CFAP61: variants seen among roughly 807,000 people sequenced by gnomAD.
CFAP61 encodes the protein cilia and flagella associated protein 61.
In CFAP61, 107 loss-of-function variants were observed where a neutral mutation model predicts 135.6. The observed-to-expected ratio is 0.79, with a 90% CI of 0.67 to 0.93. The LOEUF is 0.93. Among genes scored for constraint, CFAP61 ranks in the 40% least tolerant of loss-of-function variants. CFAP61 has a pLI of 0.00. For missense variants in CFAP61, 1,507 were observed against 1,556.2 expected (o/e 0.97, Z 0.53); for synonymous variants, 575 against 578.5 (o/e 0.99, Z 0.09).
intron 25 of CFAP61, among the ~76,000 whole-genome samples, chr20:20,336,091 C>T (rs113317627): frequency 8.2e-4 from 125 of 152,196 alleles, no homozygotes; most frequent in African/African-American, 2.9e-3. Flanking sequence ...GGGTTTGTGT[C>T]CCCAGATGAA....
intron 1 of CFAP61, chr20:20,056,024 T>G: frequency 6.2e-7 from 1 of 1,600,130 alleles, no homozygotes; most frequent in Non-Finnish European, 8.5e-7. Flanking sequence ...TTAGAGATTC[T>G]CTTCCCAAAG....
intron 25 of CFAP61, among the ~76,000 whole-genome samples, chr20:20,327,794 A>C (rs2057814536): frequency 2.5e-5 from 2 of 80,662 alleles, no homozygotes; most frequent in South Asian, 9.0e-4. Flanking sequence ...AAAAAAAAAA[A>C]AAAAAAAAAA....
intron 8 of CFAP61, among the ~76,000 whole-genome samples, chr20:20,105,866 C>T (rs1340744449): frequency 4.7e-5 from 7 of 150,200 alleles, no homozygotes; most frequent in African/African-American, 1.7e-4. Context: ...GTCTCGATCT[C>T]CTGACCTTGT....
rs972740802 is a variant in CFAP61, at chr20:20,251,832, C to T, written c.2328+69C>T. On this transcript the variant is annotated intron_variant, in intron 20 of 26. Transcript: ENST00000245957. The stretch of plus-strand genomic sequence containing the variant: ...TCCATGAAAGCCATTCATATGTTTA[C>T]TGGGGCACACACACTCTGGGTAAAG... 9 of 1,463,006 alleles carry T rather than the reference C, an allele frequency of 6.2e-6. No individual in the cohort carries two copies. The African/African-American group carries it at 1.1e-4, about 18-fold the overall frequency. The allele number at this position is 1,463,006 out of a possible 1,614,324, so 90.6% of individuals were successfully genotyped here.
chr20:20,164,971 C>T (rs2053707281), intron 11 of CFAP61, among the ~76,000 whole-genome samples: 1 of 152,282 alleles, frequency 6.6e-6, no homozygotes, highest in South Asian at 2.1e-4. Flanking sequence ...TATTCAATAC[C>T]ACAAGAACAG....
At chr20:20,132,026 T>A (rs985253256) in intron 8 of CFAP61, among the ~76,000 whole-genome samples, 1 of 152,108 alleles carries the variant, frequency 6.6e-6, no homozygotes, top group Non-Finnish European at 1.5e-5. Flanking sequence ...TCTCTAGAAC[T>A]AACTTATCTT....
intron 20 of CFAP61, among the ~76,000 whole-genome samples, chr20:20,259,407 C>T (rs557761996): frequency 1.1e-4 from 16 of 151,010 alleles, no homozygotes; most frequent in East Asian, 1.9e-4. Flanking sequence ...AGGTACATGC[C>T]GCCAAACCCA....
chr20:20,355,425 C>CTG (rs141069147), intron 26 of CFAP61, among the ~76,000 whole-genome samples: 2 of 20,692 alleles, frequency 9.7e-5, no homozygotes, highest in Non-Finnish European at 2.2e-4. Flanking sequence ...GGTGGTCACA[C>CTG]TGAGGGGAGG....
At chr20:20,228,127 C>G (rs955867981) in intron 17 of CFAP61, 122 bp from the exon 18 acceptor site, 7 of 733,052 alleles carry the variant, frequency 9.5e-6, no homozygotes, top group Non-Finnish European at 1.5e-5. Flanking sequence ...TACATGGGCA[C>G]TATTAGGTTT....
At chr20:20,211,753 A>C (rs2047658334) in intron 17 of CFAP61, among the ~76,000 whole-genome samples, 1 of 152,174 alleles carries the variant, frequency 6.6e-6, no homozygotes, top group African/African-American at 2.4e-5. Context: ...CAGTGCATTG[A>C]AATTATCACC....
intron 2 of CFAP61, among the ~76,000 whole-genome samples, chr20:20,061,504 A>G (rs2044793881): frequency 2.0e-5 from 3 of 152,302 alleles, no homozygotes; most frequent in South Asian, 4.1e-4. Context: ...CTCACCCAAA[A>G]TAAGGGCTAG....
intron 8 of CFAP61, among the ~76,000 whole-genome samples, chr20:20,099,584 G>GT (rs956558512): frequency 6.6e-6 from 1 of 151,846 alleles, no homozygotes; most frequent in East Asian, 1.9e-4. Flanking sequence ...CACACGGGGG[G>GT]GGGGTTGTGA....
At chr20:20,172,835 T>G (rs2054324450) in intron 13 of CFAP61, among the ~76,000 whole-genome samples, 1 of 152,186 alleles carries the variant, frequency 6.6e-6, no homozygotes, top group African/African-American at 2.4e-5. Flanking sequence ...GCTGTTGGTG[T>G]TGTACATCCT....
chr20:20,302,622 A>T (rs1263065079), intron 25 of CFAP61, among the ~76,000 whole-genome samples: 1 of 152,220 alleles, frequency 6.6e-6, no homozygotes, highest in Non-Finnish European at 1.5e-5. Flanking sequence ...AGATGGCTCC[A>T]CTGCACTCCA....
At chr20:20,323,569 G>T (rs2057623584) in intron 25 of CFAP61, among the ~76,000 whole-genome samples, 2 of 152,180 alleles carry the variant, frequency 1.3e-5, no homozygotes, top group South Asian at 2.1e-4. Flanking sequence ...TATTAATAAC[G>T]AATGGAATGC....
At chr20:20,331,475 AAG>A (rs60018798) in intron 25 of CFAP61, among the ~76,000 whole-genome samples, 22,367 of 151,876 alleles carry the variant, frequency 0.15, 1,812 homozygotes, top group East Asian at 0.27. Context: ...TATTTGCTGA[AAG>A]AGAATTATTT....
chr20:20,312,591 G>GT, intron 25 of CFAP61, among the ~76,000 whole-genome samples: 1 of 152,076 alleles, frequency 6.6e-6, no homozygotes, highest in Admixed American at 6.5e-5. Context: ...ACAAATCTGA[G>GT]AAGCTCAGTG....
At chr20:20,258,973 GTC>G (rs984628379) in intron 20 of CFAP61, among the ~76,000 whole-genome samples, 1 of 152,122 alleles carries the variant, frequency 6.6e-6, no homozygotes, top group African/African-American at 2.4e-5. Context: ...ATCAAGCACT[GTC>G]TCTGTTTCGT....
At chr20:20,319,960 G>C (rs1324394780) in intron 25 of CFAP61, among the ~76,000 whole-genome samples, 1 of 152,078 alleles carries the variant, frequency 6.6e-6, no homozygotes, top group Non-Finnish European at 1.5e-5. Flanking sequence ...TTGAACCTGA[G>C]TCTGACTAGG....
Sources: allele counts gnomAD v4.1 joint callset (sites outside exome capture counted in the v4.1 genomes callset), GRCh38; gene constraint gnomAD v4.1.1; transcripts MANE v1.5; gene names NCBI Gene and HGNC (gene_info 2026-07-23, HGNC 2026-07-21).